Variants in FAF2 observed in about 807,000 individuals in gnomAD.
The protein encoded by FAF2 is Fas associated factor family member 2.
Under a neutral mutation model 62.3 loss-of-function variants are expected in FAF2, and 9 were observed. The observed-to-expected ratio is 0.14, with a 90% CI of 0.09 to 0.25. FAF2 has a LOEUF of 0.25. FAF2 is among the 10% of genes least tolerant of loss of function. The probability of loss-of-function intolerance (pLI) is 1.00; values close to 1 mark genes in which losing one functional copy is unlikely to be tolerated. For missense variants in FAF2, 368 were observed against 556.2 expected, an observed-to-expected ratio of 0.66 and a Z score of 3.40; for synonymous variants, 202 against 198.0, an observed-to-expected ratio of 1.02 and a Z score of -0.17.
chr5:176,468,909 A>C (rs1362332370), intron 1 of FAF2, among the ~76,000 whole-genome samples: 1 of 151,956 alleles, frequency 6.6e-6, no homozygotes, highest in East Asian at 1.9e-4. Flanking sequence ...ATGCTACTGT[A>C]CTCCAGAGTG....
At chr5:176,449,188 C>G (rs977742409) in intron 1 of FAF2, among the ~76,000 whole-genome samples, 2 of 152,152 alleles carry the variant, frequency 1.3e-5, no homozygotes, top group African/African-American at 4.8e-5. Context: ...ATCACTTACC[C>G]CTGAGCTGGA....
intron 7 of FAF2, among the ~76,000 whole-genome samples, chr5:176,496,168 C>T (rs1450878506): frequency 2.6e-5 from 4 of 152,112 alleles, no homozygotes. Context: ...AAATTGATAA[C>T]AAAAACAAAA....
intron 2 of FAF2, among the ~76,000 whole-genome samples, chr5:176,485,485 CA>C (rs1431964099): frequency 6.6e-6 from 1 of 152,184 alleles, no homozygotes; most frequent in African/African-American, 2.4e-5. Context: ...GATTACCTCC[CA>C]AAAGGGAAAG....
Position 176,494,178 on chromosome 5 carries a change from C to T in FAF2, c.570-6C>T, listed in dbSNP as rs1286655903. ...GTTCTCATATCCTTTTCATACCTTT[C>T]CACAGCAACACACTCTGTGCACCTG... is the stretch of plus-strand genomic sequence containing the variant. On this transcript the variant is annotated splice_polypyrimidine_tract_variant and splice_region_variant and intron_variant, in intron 6 of 10. Transcript: ENST00000261942. The surrounding 1 kb of genome is among the most constrained non-coding windows in gnomAD (Gnocchi z 4.0). 1.2e-6 allele frequency: 2 copies of T among 1,613,832 alleles called. No individual in the cohort carries two copies. Among genetic ancestry groups the T allele is most frequent in the Admixed American group, 1.7e-5 (1 of 60,014 alleles).
At chr5:176,489,201 A>T (rs536611520) in intron 4 of FAF2, among the ~76,000 whole-genome samples, 174 bp downstream of exon 4, 8 of 152,180 alleles carry the variant, frequency 5.3e-5, no homozygotes, top group Non-Finnish European at 8.8e-5. Context: ...TTGTTGAAGC[A>T]TTGGCAGGCA....
chr5:176,481,798 C>T (rs551857264), intron 2 of FAF2, among the ~76,000 whole-genome samples: 2 of 152,212 alleles, frequency 1.3e-5, no homozygotes, highest in East Asian at 3.9e-4. Context: ...GGACTACAGG[C>T]CCACGCTACC....
intron 1 of FAF2, among the ~76,000 whole-genome samples, chr5:176,455,762 T>C (rs768986277): frequency 3.3e-5 from 5 of 151,862 alleles, no homozygotes; most frequent in African/African-American, 9.7e-5. Context: ...AAACTAAAAA[T>C]AAAAACTAAA....
chr5:176,466,105 G>A (rs896744149), intron 1 of FAF2, among the ~76,000 whole-genome samples: 3 of 152,146 alleles, frequency 2.0e-5, no homozygotes, highest in Admixed American at 2.0e-4. Context: ...GGGAGCTGCT[G>A]GTACTTAATT....
At chr5:176,506,037 A>T (rs1247547643) in intron 10 of FAF2, among the ~76,000 whole-genome samples, 1 of 151,836 alleles carries the variant, frequency 6.6e-6, no homozygotes, top group Non-Finnish European at 1.5e-5. Flanking sequence ...AAAAATACGA[A>T]AAAATTAGCC....
At chr5:176,451,621 G>C (rs186505437) in intron 1 of FAF2, among the ~76,000 whole-genome samples, 522 of 150,036 alleles carry the variant, frequency 3.5e-3, no homozygotes, top group Non-Finnish European at 6.4e-3. Flanking sequence ...GCTTTCACAA[G>C]TAGTAAGTGG....
chr5:176,470,951 G>C (rs1333119038), intron 1 of FAF2, among the ~76,000 whole-genome samples: 3 of 152,086 alleles, frequency 2.0e-5, no homozygotes, highest in Non-Finnish European at 2.9e-5. Flanking sequence ...GTTCTTTTTA[G>C]ATAGATTTAC....
intron 3 of FAF2, among the ~76,000 whole-genome samples, chr5:176,488,433 G>GT (rs1159549326): frequency 1.3e-5 from 2 of 151,996 alleles, no homozygotes; most frequent in South Asian, 2.1e-4. Flanking sequence ...TTGTTTGTTT[G>GT]TTTTTTTGAG....
At chr5:176,481,338 ACCTGG>A in intron 2 of FAF2, among the ~76,000 whole-genome samples, 1 of 151,910 alleles carries the variant, frequency 6.6e-6, no homozygotes, top group South Asian at 2.1e-4. Context: ...GAGCCACCAC[ACCTGG>A]CCTTGTTTTT....
At chr5:176,477,073 G>T (rs1561820985) in intron 1 of FAF2, among the ~76,000 whole-genome samples, 2 of 149,902 alleles carry the variant, frequency 1.3e-5, no homozygotes, top group Admixed American at 6.7e-5. Flanking sequence ...CTCCCAAAGT[G>T]CTGAGATTAC....
intron 10 of FAF2, among the ~76,000 whole-genome samples, chr5:176,505,436 T>C (rs1328930842): frequency 1.3e-5 from 2 of 152,182 alleles, no homozygotes; most frequent in African/African-American, 4.8e-5. Context: ...AGACAGGAGA[T>C]TCATATGAGG....
chr5:176,463,966 G>A lies in FAF2; in HGVS notation c.64-15222G>A, dbSNP rs370496051. On this transcript the variant is annotated intron_variant, in intron 1 of 10. Transcript: ENST00000261942. ...GCTGGTCTCGAACTCCTGACCTCAA[G>A]TGATCTGCCTGCCTCAGCCTCCCAT... Among the ~76,000 whole-genome samples the A allele has an allele frequency of 3.5e-4, 53 of 152,244 alleles. No individual in the cohort carries two copies. The East Asian group carries it at 0.01, about 29-fold the overall frequency.
At chr5:176,489,178 C>T (rs187113922) in intron 4 of FAF2, 151 bp downstream of exon 4, 197 of 559,422 alleles carry the variant, frequency 3.5e-4, no homozygotes, top group African/African-American at 3.5e-3. Context: ...ATACAACATA[C>T]AAGTATTTTA....
intron 4 of FAF2, among the ~76,000 whole-genome samples, chr5:176,489,497 G>T (rs965769546): frequency 6.6e-5 from 10 of 151,880 alleles, no homozygotes; most frequent in African/African-American, 2.4e-4. Context: ...ACAATAGTTG[G>T]ACCTCCCTAG....
At position 176,489,007 on chromosome 5, in the gene FAF2, C is replaced by G; in HGVS notation, c.324C>G (p.Tyr108Ter). The G allele has an allele frequency of 6.2e-7, 1 of 1,613,426 alleles. No individual in the cohort carries two copies. Among genetic ancestry groups the G allele is most frequent in the Non-Finnish European group, 8.5e-7 (1 of 1,179,428 alleles). Residue 108 changes from tyrosine (Y) to a stop codon, truncating the protein, a stop_gained, in exon 4 of 11, where the codon TAC becomes TAG. Coordinates refer to ENST00000261942, the MANE Select transcript of FAF2 (RefSeq NM_014613.3). LOFTEE classifies it high-confidence loss of function. ...TGCTTCCATTCCGGTTTACCTATTA[C>G]ACGATACTTGATATATTTAGGTATG... The part of the protein sequence containing the change: ...LIMLPFRFTY[Y>*]TILDIFRFAL...
Sources: allele counts gnomAD v4.1 joint callset (sites outside exome capture counted in the v4.1 genomes callset), GRCh38; gene constraint gnomAD v4.1.1; non-coding constraint Gnocchi (gnomAD v3.1); transcripts MANE v1.5; gene names NCBI Gene and HGNC (gene_info 2026-07-23, HGNC 2026-07-21).